SNAI3: variants seen among roughly 807,000 people sequenced by gnomAD.
SNAI3 encodes the protein snail family transcriptional repressor 3.
In SNAI3, 21 loss-of-function variants were observed where a neutral mutation model predicts 16.4. The ratio of observed to expected loss-of-function variants is 1.28; its 90% CI spans 0.91 to 1.85. The LOEUF is 1.85. SNAI3 is among the 40% of genes most tolerant of loss of function. SNAI3 has a pLI of 0.00. For missense variants in SNAI3, 457 were observed against 372.8 expected (o/e 1.23, Z -1.86); for synonymous variants, 202 against 166.6 (o/e 1.21, Z -1.64).
chr16:88,678,746 G>A, intron 2 of SNAI3, 117 bp from the exon 3 acceptor site: 3 of 1,459,158 alleles, frequency 2.1e-6, no homozygotes, highest in Non-Finnish European at 2.7e-6. Context: ...CACAGCCAGA[G>A]CACCCAAGGT....
intron 2 of SNAI3, among the ~76,000 whole-genome samples, chr16:88,680,125 G>A (rs913361995): frequency 1.5e-4 from 23 of 151,194 alleles, no homozygotes; most frequent in African/African-American, 4.9e-4. Flanking sequence ...TGGGCCTGAT[G>A]TGGAGACTGA....
At chr16:88,682,981 G>A (rs1909230099) in intron 1 of SNAI3, among the ~76,000 whole-genome samples, 1 of 150,740 alleles carries the variant, frequency 6.6e-6, no homozygotes, top group Non-Finnish European at 1.5e-5. Context: ...ATTTCACTGT[G>A]TTAGCCAGAA....
rs1489154791 is a variant in SNAI3, at chr16:88,678,273, C to T, written c.*175G>A. On this transcript the variant is annotated 3_prime_UTR_variant, in exon 3 of 3. Transcript: ENST00000332281. ...GTGGGATGCCTGGGGGAGTGTCCTCCGGCCCAGTGGCCCCCGCTGGACTTC... is the reference window on the plus strand; with the variant it reads ...GTGGGATGCCTGGGGGAGTGTCCTCTGGCCCAGTGGCCCCCGCTGGACTTC... 3.4e-5 allele frequency: 19 copies of T among 560,118 alleles called. No homozygotes were observed. The highest frequency in any genetic ancestry group is 1.0e-4 in the Admixed American group (3 of 29,522). 34.7% of individuals were successfully genotyped at this position (560,118 alleles called of 1,614,324 possible).
rs201681397 is a variant in SNAI3, at chr16:88,678,554, G to A, written c.773C>T (p.Thr258Met). ...DRSNLRAHLQ[T>M]HSDAKKYRCR... is the part of the protein sequence containing the mutation. The stretch of plus-strand genomic sequence containing the variant: ...CCGGTACTTCTTGGCGTCTGAGTGC[G>A]TTTGCAGATGGGCCCGAAGGTTGGA... The change falls in exon 3 of 3, where the codon ACG becomes ATG. Residue 258 changes from threonine to methionine, a missense_variant. Thr to Met is a moderately conservative substitution (Grantham distance 81). Coordinates refer to ENST00000332281, the MANE Select transcript of SNAI3 (RefSeq NM_178310.4). 1.1e-4 allele frequency: 89 copies of A among 827,586 alleles called. No individual in the cohort carries two copies. The Middle Eastern group carries it at 1.1e-3, about 10-fold the overall frequency. 51.3% of individuals were successfully genotyped at this position (827,586 alleles called of 1,614,324 possible). A position where few individuals can be genotyped will look rare whatever the true frequency, so the allele number is the denominator to read the frequency against.
In SNAI3 at chr16:88,681,287, GGC is replaced by G; in HGVS notation, c.502_503del (p.Ala168GlnfsTer116). 6.2e-7 allele frequency: 1 copy of G among 1,613,270 alleles called. No homozygotes were observed. The highest frequency in any genetic ancestry group is 2.2e-5 in the East Asian group (1 of 44,860). ...GGTGGCAGTGCAGCTGCCGGTGCCT[GGC>G]CAGCCCGGCCAGCGTGTGGTAGGGT... ...HKPYHTLAGLARHRQLHCHLQ... is the reference protein window; with the variant it reads ...HKPYHTLAGLXRHRQLHCHLQ... On this transcript the variant is annotated frameshift_variant, in exon 2 of 3. Transcript: ENST00000332281. LOFTEE classifies it high-confidence loss of function. This position sits in a 1 kb window ranked among gnomAD's most constrained non-coding sequence, Gnocchi z 5.4.
intron 2 of SNAI3, among the ~76,000 whole-genome samples, chr16:88,680,055 T>C (rs1909110785): frequency 6.9e-6 from 1 of 145,670 alleles, no homozygotes; most frequent in Non-Finnish European, 1.5e-5. Flanking sequence ...CACTCCAGCC[T>C]GAGCAATAGA....
intron 1 of SNAI3, 43 bp downstream of exon 1, chr16:88,686,288 G>A (rs768426204): frequency 1.9e-6 from 3 of 1,601,750 alleles, no homozygotes; most frequent in African/African-American, 1.3e-5. Context: ...CCGCCCCTCA[G>A]GGTCGAGTCC....
intron 1 of SNAI3, 42 bp downstream of exon 1, chr16:88,686,289 G>A (rs773885004): frequency 1.2e-6 from 2 of 1,602,302 alleles, no homozygotes; most frequent in Non-Finnish European, 8.5e-7. Context: ...CGCCCCTCAG[G>A]GTCGAGTCCC....
intron 1 of SNAI3, among the ~76,000 whole-genome samples, chr16:88,683,678 C>A (rs563964027): frequency 6.6e-6 from 1 of 151,946 alleles, no homozygotes; most frequent in African/African-American, 2.4e-5. Context: ...CTGCCTCAGC[C>A]TCCTGATAGC....
At position 88,686,339 on chromosome 16, in the gene SNAI3, G is replaced by T. The variant is rs369721871; in HGVS notation, c.68C>A (p.Thr23Lys). The part of the protein sequence containing the change: ...HRVPNYRRLE[T>K]QREINGACSA... ...GATCGGGTAGTCAGTACCTCTCTGC[G>T]TCTCCAGCCGCCGGTAGTTGGGGAC... Residue 23 changes from threonine to lysine, a missense_variant, in exon 1 of 3, where the codon ACG becomes AAG. Thr to Lys is a moderately conservative substitution (Grantham distance 78). Transcript: ENST00000332281. 47 of 1,610,942 alleles carry T rather than the reference G, an allele frequency of 2.9e-5. No individual in the cohort carries two copies. Among genetic ancestry groups the T allele is most frequent in the Non-Finnish European group, 4.0e-5 (47 of 1,179,310 alleles).
Position 88,678,610 on chromosome 16 carries a change from G to A in SNAI3, c.717C>T (p.Cys239=). The change falls in exon 3 of 3, where the codon TGC becomes TGT. Residue 239 remains cysteine, a synonymous_variant. Transcript: ENST00000332281. ...CGGCAAAGGCCCTGCTGCAGTGCGA[G>A]CAGGCATAGGGCTTCTCCCCTGTGG... ...RTHTGEKPYA[C]SHCSRAFADR... The A allele has an allele frequency of 8.5e-7, 1 of 1,182,168 alleles. No homozygotes were observed. Among genetic ancestry groups the A allele is most frequent in the Non-Finnish European group, 1.3e-6 (1 of 789,818 alleles). The allele number at this position is 1,182,168 out of a possible 1,614,324, so 73.2% of individuals were successfully genotyped here.
rs9931509 is a variant in SNAI3, at chr16:88,678,348, A to C, written c.*100T>G. ...TGGAGGACGCACCAAGTGTGAGGCC[A>C]GGCCCCGCCCTCCCAGACTCCTGGC... is the stretch of plus-strand genomic sequence containing the variant. On this transcript the variant is annotated 3_prime_UTR_variant, in exon 3 of 3. Transcript: ENST00000332281. 220,777 of 611,004 alleles carry C rather than the reference A, an allele frequency of 0.36. 42,279 individuals carry two copies. The highest frequency in any genetic ancestry group is 0.63 in the East Asian group (22,863 of 36,312). The allele number at this position is 611,004 out of a possible 1,614,324, so 37.8% of individuals were successfully genotyped here.
Position 88,681,412 on chromosome 16 carries a change from T to C in SNAI3, c.379A>G (p.Thr127Ala). The change falls in exon 2 of 3, where the codon ACC (threonine) becomes GCC (alanine). Residue 127 changes from threonine (T) to alanine (A), a missense_variant. Coordinates refer to ENST00000332281, the MANE Select transcript of SNAI3 (RefSeq NM_178310.4). This position sits in a 1 kb window ranked among gnomAD's most constrained non-coding sequence, Gnocchi z 5.4. The part of the protein sequence containing the change: ...LLVLPTRWSP[T>A]LGPDRHGAPE... ...GCCCCGTGCCGGTCTGGGCCCAAGG[T>C]CGGGGACCACCGTGTGGGCAGCACC... The C allele has an allele frequency of 6.2e-7, 1 of 1,610,454 alleles. No individual in the cohort carries two copies. The highest frequency in any genetic ancestry group is 8.5e-7 in the Non-Finnish European group (1 of 1,177,714).
chr16:88,686,234 A>C (rs1049024802), intron 1 of SNAI3, 97 bp downstream of exon 1: 109 of 1,430,164 alleles, frequency 7.6e-5, no homozygotes, highest in Non-Finnish European at 8.9e-5. Context: ...CACCTGGGAC[A>C]GGTGTCTCCC....
chr16:88,683,798 C>T (rs1159059286), intron 1 of SNAI3, among the ~76,000 whole-genome samples: 1 of 152,084 alleles, frequency 6.6e-6, no homozygotes, highest in African/African-American at 2.4e-5. Flanking sequence ...CTCAAGGGAT[C>T]TGCCCACCTC....
intron 1 of SNAI3, among the ~76,000 whole-genome samples, chr16:88,682,388 C>T (rs1909205008): frequency 2.0e-5 from 3 of 152,244 alleles, no homozygotes; most frequent in Admixed American, 6.5e-5. Context: ...CTGGGCTCCT[C>T]CCCAGGACGG....
Position 88,678,970 on chromosome 16 carries a change from T to A in SNAI3, c.698-341A>T. ...GGGGGTCTGGCCAGCTCCAGCAGAA[T>A]CCAGGGCAGGGGCAGAGCTGTGGAC... On this transcript the variant is annotated intron_variant, in intron 2 of 2. Coordinates refer to ENST00000332281, the MANE Select transcript of SNAI3 (RefSeq NM_178310.4). 4 of 985,342 alleles carry A rather than the reference T, an allele frequency of 4.1e-6. No individual in the cohort carries two copies. The East Asian group carries it at 4.5e-4, about 112-fold the overall frequency. 61.0% of individuals were successfully genotyped at this position (985,342 alleles called of 1,614,324 possible).
Position 88,686,461 on chromosome 16 carries a change from G to GGTCCGGACTGCTGC in SNAI3, c.-69_-56dup, listed in dbSNP as rs1353611511. ...GGCTGGGGCGGGAGGGGCGCGCCTG[G>GGTCCGGACTGCTGC]GTCCGGACTGCTGCGTCCGCCGGCG... On this transcript the variant is annotated 5_prime_UTR_variant, in exon 1 of 3. Coordinates refer to ENST00000332281, the MANE Select transcript of SNAI3 (RefSeq NM_178310.4). 2 of 1,585,102 alleles carry GGTCCGGACTGCTGC rather than the reference G, an allele frequency of 1.3e-6. No individual in the cohort carries two copies. Among genetic ancestry groups the GGTCCGGACTGCTGC allele is most frequent in the Non-Finnish European group, 1.7e-6 (2 of 1,170,988 alleles).
In SNAI3 at chr16:88,686,463, T is replaced by C. The variant is rs562636587; in HGVS notation, c.-57A>G. On this transcript the variant is annotated 5_prime_UTR_variant, in exon 1 of 3. Transcript: ENST00000332281. ...CTGGGGCGGGAGGGGCGCGCCTGGG[T>C]CCGGACTGCTGCGTCCGCCGGCGCT... 7 of 1,584,052 alleles carry C rather than the reference T, an allele frequency of 4.4e-6. No homozygotes were observed. Among genetic ancestry groups the C allele is most frequent in the East Asian group, 4.6e-5 (2 of 43,852 alleles).
Sources: allele counts gnomAD v4.1 joint callset (sites outside exome capture counted in the v4.1 genomes callset), GRCh38; gene constraint gnomAD v4.1.1; non-coding constraint Gnocchi (gnomAD v3.1); transcripts MANE v1.5; gene names NCBI Gene and HGNC (gene_info 2026-07-23, HGNC 2026-07-21).